The following ZNF385D variants were observed in gnomAD, a reference collection of about 807,000 sequenced individuals.
The protein encoded by ZNF385D is zinc finger protein 659.
In ZNF385D, 15 loss-of-function variants were observed where a neutral mutation model predicts 35.8. That is an observed-to-expected ratio of 0.42 (90% CI 0.28 to 0.64). The LOEUF is 0.64. ZNF385D is among the 30% of genes least tolerant of loss of function. The pLI, the probability that ZNF385D is intolerant of heterozygous loss-of-function variation, is 0.23. For missense variants in ZNF385D, 474 were observed against 494.6 expected, an observed-to-expected ratio of 0.96 and a Z score of 0.39; for synonymous variants, 212 against 186.8, an observed-to-expected ratio of 1.13 and a Z score of -1.10.
intron 2 of ZNF385D, among the ~76,000 whole-genome samples, chr3:21,642,617 C>T (rs986123258): frequency 2.6e-5 from 4 of 152,016 alleles, no homozygotes; most frequent in Admixed American, 1.3e-4. Context: ...TTAACAGTAT[C>T]GAAAGTGGTG....
At chr3:22,367,499 T>G (rs1250228096) in intron 2 of ZNF385D, among the ~76,000 whole-genome samples, 7 of 152,186 alleles carry the variant, frequency 4.6e-5, no homozygotes, top group Non-Finnish European at 1.0e-4. Flanking sequence ...ACATGGAACC[T>G]TTGTTCTTTA....
At chr3:21,860,282 T>A (rs1696977009) in intron 3 of ZNF385D, among the ~76,000 whole-genome samples, 1 of 152,130 alleles carries the variant, frequency 6.6e-6, no homozygotes, top group South Asian at 2.1e-4. Context: ...TCACTGCAAT[T>A]CAAAACAGTC....
chr3:21,770,026 C>T (rs1043788609), intron 3 of ZNF385D, among the ~76,000 whole-genome samples: 2 of 152,132 alleles, frequency 1.3e-5, no homozygotes, highest in Non-Finnish European at 2.9e-5. Flanking sequence ...GGAAAACTGG[C>T]TTGCCATATG....
At chr3:21,903,526 T>C (rs969382535) in intron 3 of ZNF385D, among the ~76,000 whole-genome samples, 9 of 152,162 alleles carry the variant, frequency 5.9e-5, no homozygotes, top group African/African-American at 1.7e-4. Context: ...AAAATCAAAA[T>C]TGATGGCTGC....
In ZNF385D at chr3:21,539,965, T is replaced by C. The variant is rs534930637; in HGVS notation, c.276+24609A>G. Among the ~76,000 whole-genome samples the C allele has an allele frequency of 9.2e-5, 14 of 152,242 alleles. No homozygotes were observed. Among genetic ancestry groups the C allele is most frequent in the African/African-American group, 3.1e-4 (13 of 41,574 alleles). The stretch of plus-strand genomic sequence containing the variant: ...CTTAAAATAAGATGAAAATTAAAGA[T>C]ACATATTCCCTAGCCCAAGCCAAAA... On this transcript the variant is annotated intron_variant, in intron 3 of 7. Coordinates refer to ENST00000281523, the MANE Select transcript of ZNF385D (RefSeq NM_024697.3). This position sits in a 1 kb window ranked among gnomAD's most constrained non-coding sequence, Gnocchi z 4.0.
At chr3:22,318,963 G>A (rs1462172994) in intron 2 of ZNF385D, among the ~76,000 whole-genome samples, 1 of 152,114 alleles carries the variant, frequency 6.6e-6, no homozygotes, top group Non-Finnish European at 1.5e-5. Context: ...AGCATACTTT[G>A]CTTTTTAAAG....
chr3:22,116,227 C>T (rs911642326), intron 3 of ZNF385D, among the ~76,000 whole-genome samples: 1 of 151,968 alleles, frequency 6.6e-6, no homozygotes, highest in Non-Finnish European at 1.5e-5. Flanking sequence ...TGTATTCTCT[C>T]CTGAATCTAT....
intron 4 of ZNF385D, among the ~76,000 whole-genome samples, chr3:21,467,205 C>A (rs528275631): frequency 6.6e-6 from 1 of 152,236 alleles, no homozygotes; most frequent in South Asian, 2.1e-4. Context: ...CATTTACTTT[C>A]CTATTGCTTG....
chr3:22,139,641 G>T (rs1415209367), intron 3 of ZNF385D, among the ~76,000 whole-genome samples: 1 of 151,990 alleles, frequency 6.6e-6, no homozygotes, highest in African/African-American at 2.4e-5. Context: ...GGGAGGGATA[G>T]CATTAGGTGA....
intron 3 of ZNF385D, among the ~76,000 whole-genome samples, chr3:22,003,911 T>C (rs1013771877): frequency 6.7e-6 from 1 of 150,092 alleles, no homozygotes; most frequent in Non-Finnish European, 1.5e-5. Flanking sequence ...AAAATTCAAA[T>C]AGAACCACAA....
At chr3:21,461,168 T>C (rs1437330337) in intron 4 of ZNF385D, among the ~76,000 whole-genome samples, 1 of 152,218 alleles carries the variant, frequency 6.6e-6, no homozygotes, top group Non-Finnish European at 1.5e-5. Flanking sequence ...AAGAAAACTC[T>C]CTGCCTTTCA....
chr3:22,123,294 G>T (rs1204384650), intron 3 of ZNF385D, among the ~76,000 whole-genome samples: 1 of 152,034 alleles, frequency 6.6e-6, no homozygotes, highest in African/African-American at 2.4e-5. Flanking sequence ...TTTTACACAA[G>T]TTATATTTGA....
chr3:21,649,722 A>G (rs2065857632), intron 2 of ZNF385D, among the ~76,000 whole-genome samples: 1 of 152,206 alleles, frequency 6.6e-6, no homozygotes, highest in Non-Finnish European at 1.5e-5. Flanking sequence ...CTAAAAAACA[A>G]AAGGATAGGC....
chr3:22,215,626 C>G (rs544367188), intron 2 of ZNF385D, among the ~76,000 whole-genome samples: 1 of 151,940 alleles, frequency 6.6e-6, no homozygotes, highest in Non-Finnish European at 1.5e-5. Flanking sequence ...AATACTTGCC[C>G]GAAACTTCAT....
intron 2 of ZNF385D, among the ~76,000 whole-genome samples, chr3:22,311,150 G>C (rs2125427982): frequency 6.6e-6 from 1 of 151,944 alleles, no homozygotes; most frequent in Non-Finnish European, 1.5e-5. Flanking sequence ...AAAGGAAGCA[G>C]AATTTCTGCA....
At chr3:22,265,833 AT>A (rs556908909) in intron 2 of ZNF385D, among the ~76,000 whole-genome samples, 16 of 151,926 alleles carry the variant, frequency 1.1e-4, no homozygotes, top group Non-Finnish European at 1.8e-4. Context: ...GGTAGGTACC[AT>A]TTTTGCACGT....
chr3:21,694,117 C>G (rs149494631), intron 1 of ZNF385D, among the ~76,000 whole-genome samples: 1 of 140,946 alleles, frequency 7.1e-6, no homozygotes, highest in Non-Finnish European at 1.5e-5. Context: ...GATCTCGGCT[C>G]ACTGCAAGCT....
intron 4 of ZNF385D, among the ~76,000 whole-genome samples, chr3:21,457,919 G>C (rs1702919935): frequency 6.6e-6 from 1 of 152,056 alleles, no homozygotes; most frequent in African/African-American, 2.4e-5. Flanking sequence ...AGCTGTGCCA[G>C]GAATTATATC....
In ZNF385D at chr3:21,436,995, G is replaced by A. The variant is rs1218310163; in HGVS notation, c.648C>T (p.Ala216=). 1 of 1,613,900 alleles carries A rather than the reference G, an allele frequency of 6.2e-7. No individual in the cohort carries two copies. Among genetic ancestry groups the A allele is most frequent in the Non-Finnish European group, 8.5e-7 (1 of 1,179,854 alleles). ...CSLCKVAVNS[A]SQLEAHNSGT... ...CACTGTTGTGCGCCTCCAGCTGCGA[G>A]GCAGAGTTGACAGCAACCTTGCATA... The change falls in exon 5 of 8, where the codon GCC becomes GCT. Residue 216 remains alanine (A), a synonymous_variant. Coordinates refer to ENST00000281523, the MANE Select transcript of ZNF385D (RefSeq NM_024697.3).
Sources: allele counts gnomAD v4.1 joint callset (sites outside exome capture counted in the v4.1 genomes callset), GRCh38; gene constraint gnomAD v4.1.1; non-coding constraint Gnocchi (gnomAD v3.1); transcripts MANE v1.5; gene names NCBI Gene and HGNC (gene_info 2026-07-23, HGNC 2026-07-21).